CNIH3: variants seen among roughly 807,000 people sequenced by gnomAD.
The protein encoded by CNIH3 is cornichon family AMPA receptor auxiliary protein 3.
In CNIH3, 14 loss-of-function variants were observed where a neutral mutation model predicts 24.1. The ratio of observed to expected loss-of-function variants is 0.58; its 90% CI spans 0.38 to 0.91. The LOEUF (loss-of-function observed/expected upper bound fraction) is 0.91, where lower values mean the gene tolerates loss of function less well. Ranked by LOEUF, CNIH3 falls within the 40% of genes least tolerant of loss-of-function variation. The probability of loss-of-function intolerance (pLI) is 0.00; values close to 1 mark genes in which losing one functional copy is unlikely to be tolerated. For missense variants in CNIH3, 178 were observed against 196.8 expected (o/e 0.90, Z 0.57); for synonymous variants, 68 against 73.8 (o/e 0.92, Z 0.40).
upstream of CNIH3, among the ~76,000 whole-genome samples, chr1:224,512,705 C>G (rs1013539412): frequency 6.6e-6 from 1 of 152,100 alleles, no homozygotes; most frequent in Non-Finnish European, 1.5e-5. Flanking sequence ...TTCATCCCAC[C>G]CACCCTGCCA....
At chr1:224,453,084 G>A (rs1169051339) in intron 1 of CNIH3, among the ~76,000 whole-genome samples, 1 of 151,630 alleles carries the variant, frequency 6.6e-6, no homozygotes, top group African/African-American at 2.4e-5. Context: ...TCACGCCATT[G>A]CACTCCAGCC....
chr1:224,687,421 T>C (rs1686715713), intron 3 of CNIH3, among the ~76,000 whole-genome samples: 3 of 152,048 alleles, frequency 2.0e-5, no homozygotes, highest in Admixed American at 1.3e-4. Flanking sequence ...TTTGTAGAGA[T>C]GGGTTCTTGC....
intron 1 of CNIH3, among the ~76,000 whole-genome samples, chr1:224,619,578 T>C (rs1371016630): frequency 6.6e-6 from 1 of 152,186 alleles, no homozygotes; most frequent in African/African-American, 2.4e-5. Context: ...TTCCTGAACA[T>C]TGAACTGGGA....
At chr1:224,575,700 G>A (rs1331022470) in intron 4 of CNIH3, among the ~76,000 whole-genome samples, 10 of 151,906 alleles carry the variant, frequency 6.6e-5, no homozygotes, top group Admixed American at 6.6e-4. Context: ...GCTTGGAAAT[G>A]TCATCCTTTC....
intron 4 of CNIH3, 71 bp from the exon 5 acceptor site, chr1:224,734,492 C>A: frequency 1.3e-6 from 2 of 1,511,006 alleles, no homozygotes; most frequent in Non-Finnish European, 1.8e-6. Context: ...AGCCCTGCAT[C>A]GGAAGGGTTT....
chr1:224,551,268 C>T (rs962020611), intron 3 of CNIH3, among the ~76,000 whole-genome samples: 1 of 152,106 alleles, frequency 6.6e-6, no homozygotes, highest in African/African-American at 2.4e-5. Flanking sequence ...GACACATGCA[C>T]ACATATGTTT....
At chr1:224,561,613 CAA>C (rs374732916) in intron 3 of CNIH3, among the ~76,000 whole-genome samples, 5 of 152,312 alleles carry the variant, frequency 3.3e-5, no homozygotes, top group African/African-American at 9.6e-5. Flanking sequence ...ACCCGTCAGC[CAA>C]ACGAGACTTT....
At chr1:224,617,602 C>G (rs950385829) in intron 1 of CNIH3, among the ~76,000 whole-genome samples, 6 of 152,220 alleles carry the variant, frequency 3.9e-5, no homozygotes, top group Non-Finnish European at 7.3e-5. Flanking sequence ...GAAGCGCCGC[C>G]GTCGGTCCCG....
intron 1 of CNIH3, among the ~76,000 whole-genome samples, chr1:224,648,954 A>C (rs1572655487): frequency 1.3e-5 from 2 of 152,302 alleles, no homozygotes; most frequent in East Asian, 3.9e-4. Context: ...TGAAGAATCT[A>C]CCACCCTTTG....
chr1:224,491,545 T>C (rs555645455), intron 1 of CNIH3, among the ~76,000 whole-genome samples: 2 of 152,362 alleles, frequency 1.3e-5, no homozygotes, highest in East Asian at 3.9e-4. Context: ...AGTTTATTTT[T>C]ATCTATGCTC....
rs1572841273 is a variant in CNIH3, at chr1:224,734,829, G to A, written c.455+123G>A. On this transcript the variant is annotated intron_variant, in intron 5 of 5. Coordinates refer to ENST00000272133, the MANE Select transcript of CNIH3 (RefSeq NM_152495.2). ...GAGGGTGGGAGTCATGGCCATTCAGGTGTAGTCCCAGCTGTCTGACTCTGG... is the reference window on the plus strand; with the variant it reads ...GAGGGTGGGAGTCATGGCCATTCAGATGTAGTCCCAGCTGTCTGACTCTGG... The A allele has an allele frequency of 8.1e-6, 8 of 983,518 alleles. No individual in the cohort carries two copies. The East Asian group carries it at 1.2e-4, about 15-fold the overall frequency. The allele number at this position is 983,518 out of a possible 1,614,324, so 60.9% of individuals were successfully genotyped here.
At chr1:224,597,949 T>C (rs1682054267) in intron 3 of CNIH3, among the ~76,000 whole-genome samples, 1 of 152,144 alleles carries the variant, frequency 6.6e-6, no homozygotes, top group Non-Finnish European at 1.5e-5. Flanking sequence ...AGTGTCAGAA[T>C]TGAATTGAAG....
chr1:224,576,564 C>A (rs2125008173), intron 4 of CNIH3, among the ~76,000 whole-genome samples: 1 of 152,310 alleles, frequency 6.6e-6, no homozygotes. Context: ...TTATACATTT[C>A]ACTTTCACAT....
chr1:224,440,700 A>G (rs1047850168), intron 1 of CNIH3, among the ~76,000 whole-genome samples: 2 of 152,224 alleles, frequency 1.3e-5, no homozygotes, highest in African/African-American at 4.8e-5. Context: ...TAGGAAAGAA[A>G]AGCATAAACA....
Position 224,507,955 on chromosome 1 carries a change from C to T in CNIH3, n.204-7786C>T, listed in dbSNP as rs1677987087. On this transcript the variant is annotated intron_variant and non_coding_transcript_variant, in intron 1 of 5. Transcript: ENST00000471578. ...GTTAAGCATTTCTGCATACGCTAGA[C>T]AACTCCTCATTGTTTTATAGGCTTT... 2.0e-5 allele frequency among the ~76,000 whole-genome samples: 3 copies of T among 152,368 alleles called. No homozygotes were observed. In the South Asian group the frequency reaches 6.2e-4, roughly 32 times the overall value.
intron 1 of CNIH3, among the ~76,000 whole-genome samples, chr1:224,645,128 A>T (rs919258481): frequency 6.6e-6 from 1 of 152,192 alleles, no homozygotes; most frequent in Admixed American, 6.5e-5. Flanking sequence ...GCAGAAATAC[A>T]CAAGAGGGAG....
chr1:224,489,509 C>T (rs1256116970), intron 1 of CNIH3, among the ~76,000 whole-genome samples: 10 of 152,256 alleles, frequency 6.6e-5, no homozygotes, highest in African/African-American at 2.2e-4. Flanking sequence ...TGGGATGCTC[C>T]CTTAGTGCTT....
intron 1 of CNIH3, among the ~76,000 whole-genome samples, chr1:224,445,505 G>A (rs1371628823): frequency 6.6e-6 from 1 of 150,838 alleles, no homozygotes; most frequent in African/African-American, 2.4e-5. Flanking sequence ...GAACCTGGGA[G>A]GTGGAGGTTG....
intron 1 of CNIH3, among the ~76,000 whole-genome samples, chr1:224,646,647 C>G (rs1684620387): frequency 1.3e-5 from 2 of 152,124 alleles, no homozygotes; most frequent in Non-Finnish European, 2.9e-5. Flanking sequence ...CTCAAGCAAC[C>G]CTCCTGCTTC....
Sources: allele counts gnomAD v4.1 joint callset (sites outside exome capture counted in the v4.1 genomes callset), GRCh38; gene constraint gnomAD v4.1.1; transcripts MANE v1.5; gene names NCBI Gene and HGNC (gene_info 2026-07-23, HGNC 2026-07-21).